DSCAML1: variants seen among roughly 807,000 people sequenced by gnomAD.
DSCAML1 encodes the protein cell adhesion molecule DSCAML1.
A neutral mutation model predicts 200.5 loss-of-function variants in DSCAML1; 38 were observed. The ratio of observed to expected loss-of-function variants is 0.19; its 90% CI spans 0.15 to 0.25. The LOEUF is 0.25. DSCAML1 is among the 10% of genes least tolerant of loss of function. The pLI, the probability that DSCAML1 is intolerant of heterozygous loss-of-function variation, is 1.00. For missense variants in DSCAML1, 2,223 were observed against 2,858.8 expected (o/e 0.78, Z 5.07); for synonymous variants, 1,215 against 1,165.0 (o/e 1.04, Z -0.87).
rs991341676 is a variant in DSCAML1, at chr11:117,463,627, C to T, written c.3265+1315G>A. 9.9e-5 allele frequency among the ~76,000 whole-genome samples: 15 copies of T among 152,236 alleles called. No homozygotes were observed. Among genetic ancestry groups the T allele is most frequent in the East Asian group, 1.9e-4 (1 of 5,166 alleles). On this transcript the variant is annotated intron_variant, in intron 17 of 32. Transcript: ENST00000651296. The surrounding 1 kb of genome is among the most constrained non-coding windows in gnomAD (Gnocchi z 4.0). ...TGATCTTCCTCAATCCAGCCAGGCCCGAGGCCAGCATCTCAGGGTGGGAGG... is the reference window on the plus strand; with the variant it reads ...TGATCTTCCTCAATCCAGCCAGGCCTGAGGCCAGCATCTCAGGGTGGGAGG...
intron 3 of DSCAML1, among the ~76,000 whole-genome samples, chr11:117,770,666 A>G (rs2055020926): frequency 1.5e-5 from 1 of 65,914 alleles, no homozygotes; most frequent in Non-Finnish European, 4.2e-5. Context: ...GGGATAACAC[A>G]GACCTAAAAA....
chr11:117,440,687 G>A (rs182838473), intron 21 of DSCAML1, among the ~76,000 whole-genome samples: 125 of 152,188 alleles, frequency 8.2e-4, no homozygotes, highest in African/African-American at 2.9e-3. Flanking sequence ...TGTGGCAGGC[G>A]GATCACCTGA....
At chr11:117,501,813 G>C (rs1316635846) in intron 11 of DSCAML1, among the ~76,000 whole-genome samples, 1 of 152,108 alleles carries the variant, frequency 6.6e-6, no homozygotes, top group African/African-American at 2.4e-5. Flanking sequence ...GTGTAAGAAA[G>C]GTGTGTCGCT....
At position 117,727,394 on chromosome 11, in the gene DSCAML1, C is replaced by T. The variant is rs150323326; in HGVS notation, c.511+49397G>A. Among the ~76,000 whole-genome samples the T allele has an allele frequency of 5.4e-4, 82 of 152,332 alleles. 1 individual carries two copies. The highest frequency in any genetic ancestry group is 1.8e-3 in the African/African-American group (76 of 41,574). On this transcript the variant is annotated intron_variant, in intron 3 of 32. Transcript: ENST00000651296. The stretch of plus-strand genomic sequence containing the variant: ...CAGAATCTTCTCTCTCTCCATCCGT[C>T]TTCAGCATCCACACTTTCCACCTTC...
At chr11:117,582,761 C>A (rs1424388120) in intron 3 of DSCAML1, among the ~76,000 whole-genome samples, 2 of 152,186 alleles carry the variant, frequency 1.3e-5, no homozygotes, top group African/African-American at 4.8e-5. Flanking sequence ...TGCCCCAGTC[C>A]ACGGGCTGTG....
chr11:117,591,808 T>C (rs2051264696), intron 3 of DSCAML1, among the ~76,000 whole-genome samples: 1 of 152,122 alleles, frequency 6.6e-6, no homozygotes, highest in Non-Finnish European at 1.5e-5. Flanking sequence ...GGATGCAGCT[T>C]CAGGGATCCC....
chr11:117,689,153 A>T (rs1019340943), intron 3 of DSCAML1, among the ~76,000 whole-genome samples: 1 of 152,174 alleles, frequency 6.6e-6, no homozygotes, highest in African/African-American at 2.4e-5. Context: ...GGAAACCGAG[A>T]CTCACAGAGG....
Position 117,780,286 on chromosome 11 carries a change from AAGAAAGAAAGAAAGAAAG to A in DSCAML1, c.364+189_364+206del, listed in dbSNP as rs1447627361. ...AAAGAAAGAAAGAAAGAAAGAAAGA[AAGAAAGAAAGAAAGAAAG>A]AGAGAAAGGAGAAAGAAAGGTGTCT... On this transcript the variant is annotated intron_variant, in intron 2 of 32. Coordinates refer to ENST00000651296, the MANE Select transcript of DSCAML1 (RefSeq NM_020693.4). This position sits in a 1 kb window ranked among gnomAD's most constrained non-coding sequence, Gnocchi z 4.8. Among the ~76,000 whole-genome samples the A allele has an allele frequency of 7.2e-5, 7 of 96,762 alleles. No homozygotes were observed. Among genetic ancestry groups the A allele is most frequent in the South Asian group, 3.9e-4 (1 of 2,536 alleles). 63.5% of individuals were successfully genotyped at this position (96,762 alleles called of 152,430 possible). A position where few individuals can be genotyped will look rare whatever the true frequency, so the allele number is the denominator to read the frequency against.
chr11:117,429,376 C>T (rs3889572), intron 32 of DSCAML1, among the ~76,000 whole-genome samples: 65,204 of 152,070 alleles, frequency 0.43, 14,305 homozygotes, highest in Non-Finnish European at 0.47. Context: ...TCCTCCCCCT[C>T]GGTCCCCTCT....
chr11:117,516,722 C>G lies in DSCAML1; in HGVS notation c.1528G>C (p.Ala510Pro), dbSNP rs139476637. ...GCGACTGCTGTGATGTTCCGCATAGCCCGGATGCTGGGTGGGCCTGGGCAG... is the reference window on the plus strand; with the variant it reads ...GCGACTGCTGTGATGTTCCGCATAGGCCGGATGCTGGGTGGGCCTGGGCAG... Reference protein sequence around the residue: ...INVRGPPSIRAMRNITAVAGR... With the variant: ...INVRGPPSIRPMRNITAVAGR... Residue 510 changes from alanine to proline, a missense_variant, in exon 8 of 33, where the codon GCT (alanine) becomes CCT (proline). By Grantham distance (27) the Ala-to-Pro change is conservative (BLOSUM62 -1). Coordinates refer to ENST00000651296, the MANE Select transcript of DSCAML1 (RefSeq NM_020693.4). The surrounding 1 kb of genome is among the most constrained non-coding windows in gnomAD (Gnocchi z 5.7). 12 of 1,612,992 alleles carry G rather than the reference C, an allele frequency of 7.4e-6. No homozygotes were observed. The African/African-American group carries it at 1.3e-4, about 18-fold the overall frequency.
intron 3 of DSCAML1, among the ~76,000 whole-genome samples, chr11:117,545,274 G>A (rs2050351723): frequency 6.6e-6 from 1 of 151,464 alleles, no homozygotes; most frequent in African/African-American, 2.4e-5. Flanking sequence ...ACACAAGGAT[G>A]TGCACACACA....
At chr11:117,584,061 C>T (rs2051095174) in intron 3 of DSCAML1, among the ~76,000 whole-genome samples, 1 of 151,974 alleles carries the variant, frequency 6.6e-6, no homozygotes, top group African/African-American at 2.4e-5. Flanking sequence ...ACTCCCCACC[C>T]CCTCCTCTCC....
chr11:117,463,973 T>A lies in DSCAML1; in HGVS notation c.3265+969A>T, dbSNP rs1233474826. Among the ~76,000 whole-genome samples, 9 of 152,210 alleles carry A rather than the reference T, an allele frequency of 5.9e-5. No homozygotes were observed. The highest frequency in any genetic ancestry group is 5.9e-4 in the Admixed American group (9 of 15,288). On this transcript the variant is annotated intron_variant, in intron 17 of 32. Coordinates refer to ENST00000651296, the MANE Select transcript of DSCAML1 (RefSeq NM_020693.4). The surrounding 1 kb of genome is among the most constrained non-coding windows in gnomAD (Gnocchi z 4.0). ...TTTCAGGTGTTTCTGACCTAATGTGTCCACCATCCCCAGGGTGCTGCATTT... is the reference window on the plus strand; with the variant it reads ...TTTCAGGTGTTTCTGACCTAATGTGACCACCATCCCCAGGGTGCTGCATTT...
At chr11:117,500,571 G>A (rs906527212) in intron 11 of DSCAML1, among the ~76,000 whole-genome samples, 4 of 152,162 alleles carry the variant, frequency 2.6e-5, no homozygotes, top group Non-Finnish European at 5.9e-5. Context: ...AGAGATTGTT[G>A]TCCTGGACCT....
At position 117,438,975 on chromosome 11, in the gene DSCAML1, C is replaced by T; in HGVS notation, c.4153G>A (p.Asp1385Asn). ...IVNLLVQVPP[D>N]QPRLTVSKTS... ...TTGGAGACAGTGAGGCGGGGCTGGT[C>T]CGGGGGAACTGTGAGGGGAAAGCCA... is the stretch of plus-strand genomic sequence containing the variant. The change falls in exon 24 of 33, where the codon GAC becomes AAC. Residue 1385 changes from aspartate to asparagine, a missense_variant. Asp to Asn is a conservative substitution (Grantham distance 23, BLOSUM62 1). Around this residue, in one of 7 missense-constraint regions of DSCAML1, gnomAD observed 614 missense variants for 739.1 expected, o/e 0.83. Transcript: ENST00000651296. The T allele has an allele frequency of 6.2e-7, 1 of 1,603,810 alleles. No individual in the cohort carries two copies. Among genetic ancestry groups the T allele is most frequent in the African/African-American group, 1.3e-5 (1 of 74,324 alleles).
intron 26 of DSCAML1, among the ~76,000 whole-genome samples, chr11:117,436,137 G>C (rs1260408122): frequency 6.6e-6 from 1 of 152,222 alleles, no homozygotes; most frequent in African/African-American, 2.4e-5. Context: ...CTGATATCCA[G>C]CTGGGGTGGG....
chr11:117,574,163 C>T (rs2050894677), intron 3 of DSCAML1, among the ~76,000 whole-genome samples: 2 of 152,210 alleles, frequency 1.3e-5, no homozygotes, highest in African/African-American at 4.8e-5. Flanking sequence ...CACTTTCTCC[C>T]CTGGGGGATC....
At chr11:117,670,663 C>G (rs1228888977) in intron 3 of DSCAML1, among the ~76,000 whole-genome samples, 1 of 152,160 alleles carries the variant, frequency 6.6e-6, no homozygotes, top group East Asian at 1.9e-4. Context: ...CATAACTCCT[C>G]CTGGAGGCAT....
At chr11:117,564,645 T>C (rs564738354) in intron 3 of DSCAML1, among the ~76,000 whole-genome samples, 15 of 151,194 alleles carry the variant, frequency 9.9e-5, no homozygotes, top group Non-Finnish European at 1.6e-4. Flanking sequence ...CTCTCTCTCT[T>C]TCTTTCTTTC....
Sources: allele counts gnomAD v4.1 joint callset (sites outside exome capture counted in the v4.1 genomes callset), GRCh38; gene constraint gnomAD v4.1.1; regional missense constraint gnomAD v4.1.1; non-coding constraint Gnocchi (gnomAD v3.1); transcripts MANE v1.5; gene names NCBI Gene and HGNC (gene_info 2026-07-23, HGNC 2026-07-21).